Variants in NEGR1 observed in about 807,000 individuals in gnomAD.
NEGR1 encodes IgLON family member 4.
In NEGR1, 10 loss-of-function variants were observed where a neutral mutation model predicts 40.9. The observed-to-expected ratio is 0.24, with a 90% CI of 0.15 to 0.42. NEGR1 has a LOEUF of 0.42. Among genes scored for constraint, NEGR1 ranks in the 10% least tolerant of loss-of-function variants. NEGR1 has a pLI of 1.00. For synonymous variants in NEGR1, 185 were observed against 166.8 expected (o/e 1.11, Z -0.84); for missense variants, 352 against 438.9 (o/e 0.80, Z 1.77).
At chr1:71,611,196 C>T in intron 4 of NEGR1, 50 bp from the exon 5 acceptor site, 2 of 1,543,226 alleles carry the variant, frequency 1.3e-6, no homozygotes, top group Non-Finnish European at 1.8e-6. Flanking sequence ...AAAAATAATC[C>T]TCAACAGAAA....
chr1:71,593,013 C>A (rs1160752562), intron 5 of NEGR1, 45 bp from the exon 6 acceptor site: 2 of 1,441,950 alleles, frequency 1.4e-6, no homozygotes. Context: ...TTGTGAATAC[C>A]AGTTTCATTT....
chr1:72,249,798 C>T (rs887206512), intron 1 of NEGR1, among the ~76,000 whole-genome samples: 5 of 152,130 alleles, frequency 3.3e-5, no homozygotes, highest in African/African-American at 1.2e-4. Context: ...GGGAATAATA[C>T]ACATATTGCC....
chr1:71,661,424 T>C (rs1286749490), intron 4 of NEGR1, among the ~76,000 whole-genome samples: 1 of 152,220 alleles, frequency 6.6e-6, no homozygotes, highest in South Asian at 2.1e-4. Flanking sequence ...ATGTAAAGGA[T>C]GAGTATTCTA....
At chr1:71,646,042 G>C (rs1570146432) in intron 4 of NEGR1, among the ~76,000 whole-genome samples, 1 of 151,690 alleles carries the variant, frequency 6.6e-6, no homozygotes, top group Admixed American at 6.6e-5. Context: ...CCCAAAATGT[G>C]AAAGTTTACC....
chr1:71,574,101 G>A (rs1200206435), intron 6 of NEGR1, among the ~76,000 whole-genome samples: 1 of 152,160 alleles, frequency 6.6e-6, no homozygotes, highest in Non-Finnish European at 1.5e-5. Context: ...CTTCCTCTGA[G>A]AAAAAGAGCA....
chr1:71,963,917 A>T (rs1646189183), intron 1 of NEGR1, among the ~76,000 whole-genome samples: 2 of 152,154 alleles, frequency 1.3e-5, no homozygotes, highest in Non-Finnish European at 2.9e-5. Flanking sequence ...ATCTCGGGTG[A>T]TTAACACAGC....
chr1:71,578,224 G>A (rs1023256), intron 6 of NEGR1, among the ~76,000 whole-genome samples: 147,083 of 152,238 alleles, frequency 0.97, 71,274 homozygotes, highest in East Asian at 1. Context: ...ATTATAACCA[G>A]TTTTAAGATG....
chr1:72,100,482 A>T (rs1213617391), intron 1 of NEGR1, among the ~76,000 whole-genome samples: 2 of 152,198 alleles, frequency 1.3e-5, no homozygotes, highest in Non-Finnish European at 2.9e-5. Context: ...CAAAGTTTTG[A>T]TTCTACTCTA....
intron 2 of NEGR1, among the ~76,000 whole-genome samples, chr1:71,882,204 A>G (rs889369270): frequency 6.6e-6 from 1 of 152,060 alleles, no homozygotes; most frequent in Non-Finnish European, 1.5e-5. Flanking sequence ...GTGCAATTTA[A>G]ATTTGTTGAC....
At chr1:72,221,894 A>T (rs1654024927) in intron 1 of NEGR1, among the ~76,000 whole-genome samples, 1 of 152,136 alleles carries the variant, frequency 6.6e-6, no homozygotes, top group Non-Finnish European at 1.5e-5. Context: ...ACCAGCCTCA[A>T]GCTTCAGGCT....
At position 71,769,265 on chromosome 1, in the gene NEGR1, T is replaced by C. The variant is rs1570321119; in HGVS notation, c.535+6907A>G. Among the ~76,000 whole-genome samples, 5 of 152,324 alleles carry C rather than the reference T, an allele frequency of 3.3e-5. 1 individual carries two copies. The highest frequency in any genetic ancestry group is 3.3e-4 in the Admixed American group (5 of 15,302). On this transcript the variant is annotated intron_variant, in intron 3 of 6. Transcript: ENST00000357731. Reference sequence around the variant, plus strand: ...TATTTTTAAAATCAGAAGCCTCATGTATACTTGTCGATATTCTCCAGAAGT... The same window carrying C: ...TATTTTTAAAATCAGAAGCCTCATGCATACTTGTCGATATTCTCCAGAAGT...
At chr1:71,874,704 A>G (rs1260355046) in intron 2 of NEGR1, among the ~76,000 whole-genome samples, 1 of 152,198 alleles carries the variant, frequency 6.6e-6, no homozygotes, top group Non-Finnish European at 1.5e-5. Flanking sequence ...TAGCATCCTT[A>G]GATGTTCAAG....
At chr1:71,638,980 GAATAA>G (rs199573293) in intron 4 of NEGR1, among the ~76,000 whole-genome samples, 55 of 151,390 alleles carry the variant, frequency 3.6e-4, no homozygotes, top group Non-Finnish European at 5.8e-4. Flanking sequence ...CAAGGAGGAA[GAATAA>G]AATAAAATAA....
chr1:72,059,001 CACAAAATGGAAA>C (rs1253390799), intron 1 of NEGR1, among the ~76,000 whole-genome samples: 1 of 151,568 alleles, frequency 6.6e-6, no homozygotes, highest in Non-Finnish European at 1.5e-5. Context: ...TTTACAACAT[CACAAAATGGAAA>C]ATGCGCATTG....
At chr1:71,727,268 G>C (rs973625284) in intron 3 of NEGR1, among the ~76,000 whole-genome samples, 1 of 151,872 alleles carries the variant, frequency 6.6e-6, no homozygotes, top group Non-Finnish European at 1.5e-5. Flanking sequence ...AAATGTTAAG[G>C]TGATTTCTAA....
Position 71,759,287 on chromosome 1 carries a change from C to CTTTTTTTTT in NEGR1, c.535+16876_535+16884dup, listed in dbSNP as rs759687500. ...AAGGTTGCATTTTCCAAGATTATAA[C>CTTTTTTTTT]TTTTTTTTTTTTTTTTTTTTTTTTT... On this transcript the variant is annotated intron_variant, in intron 3 of 6. Transcript: ENST00000357731. 2.8e-4 allele frequency among the ~76,000 whole-genome samples: 24 copies of CTTTTTTTTT among 85,212 alleles called. 3 individuals are homozygous for CTTTTTTTTT. Among genetic ancestry groups the CTTTTTTTTT allele is most frequent in the Admixed American group, 8.3e-4 (5 of 6,048 alleles). The allele number at this position is 85,212 out of a possible 152,430, so 55.9% of individuals were successfully genotyped here.
chr1:72,077,832 G>A (rs1210093555), intron 1 of NEGR1, among the ~76,000 whole-genome samples: 3 of 151,660 alleles, frequency 2.0e-5, no homozygotes, highest in Admixed American at 2.0e-4. Context: ...AGAAAAAGGG[G>A]ATGAAAATTT....
chr1:71,788,676 CAT>C (rs1491183380), intron 2 of NEGR1, among the ~76,000 whole-genome samples: 5 of 150,422 alleles, frequency 3.3e-5, no homozygotes, highest in Non-Finnish European at 7.4e-5. Flanking sequence ...TGAATACAAG[CAT>C]GTGTGTGTGT....
At chr1:71,527,349 C>T (rs1329413637) in intron 6 of NEGR1, among the ~76,000 whole-genome samples, 1 of 151,192 alleles carries the variant, frequency 6.6e-6, no homozygotes, top group African/African-American at 2.4e-5. Context: ...CTATGAACCA[C>T]AAATAAGTGT....
Sources: gnomAD v4.1 joint callset for allele counts (sites outside exome capture counted in the v4.1 genomes callset) on GRCh38, gnomAD v4.1.1 for gene constraint, MANE v1.5 for transcripts, NCBI Gene and HGNC (gene_info 2026-07-23, HGNC 2026-07-21) for gene names.